The following MYZAP variants were observed in gnomAD, a reference collection of about 807,000 sequenced individuals.
MYZAP encodes the protein myocardial zonula adherens protein, also known as GRINL1A complex locus upstream.
MYZAP carries 66 observed loss-of-function variants against 69.4 expected under a neutral mutation model. The observed-to-expected ratio is 0.95, with a 90% confidence interval of 0.78 to 1.17. The LOEUF is 1.17. MYZAP is among the 50% of genes most tolerant of loss of function. MYZAP has a pLI of 0.00. For missense variants in MYZAP, 611 were observed against 556.2 expected (o/e 1.10, Z -0.99); for synonymous variants, 256 against 205.9 (o/e 1.24, Z -2.09).
At chr15:57,659,515 G>T (rs1419609721) in intron 10 of MYZAP, among the ~76,000 whole-genome samples, 6 of 152,098 alleles carry the variant, frequency 3.9e-5, no homozygotes, top group African/African-American at 1.4e-4. Context: ...AAAAATCTTG[G>T]TTCCAAACAT....
At chr15:57,596,986 G>C (rs1303440357) in intron 1 of MYZAP, among the ~76,000 whole-genome samples, 1 of 152,124 alleles carries the variant, frequency 6.6e-6, no homozygotes, top group Non-Finnish European at 1.5e-5. Flanking sequence ...TGGTGGAATA[G>C]GCAGTTAAAA....
intron 1 of MYZAP, among the ~76,000 whole-genome samples, chr15:57,598,055 C>T (rs1304369466): frequency 1.3e-5 from 2 of 152,214 alleles, no homozygotes; most frequent in African/African-American, 4.8e-5. Context: ...AACTGGCAAA[C>T]CCCTGTCACC....
chr15:57,668,897 T>A (rs976100934), intron 11 of MYZAP, among the ~76,000 whole-genome samples: 90 of 129,078 alleles, frequency 7.0e-4, no homozygotes, highest in Middle Eastern at 7.6e-3. Flanking sequence ...TATATATATT[T>A]TTTTTTTTTT....
rs1294861206 is a variant in MYZAP at position 57,684,947 on chromosome 15, C to G, written c.*449C>G. 2 of 153,602 alleles carry G rather than the reference C, an allele frequency of 1.3e-5. No individual in the cohort carries two copies. Among genetic ancestry groups the G allele is most frequent in the African/African-American group, 4.8e-5 (2 of 41,428 alleles). The allele number at this position is 153,602 out of a possible 1,614,324, so 9.5% of individuals were successfully genotyped here. On this transcript the variant is annotated 3_prime_UTR_variant, in exon 13 of 13. Coordinates refer to ENST00000267853, the MANE Select transcript of MYZAP (RefSeq NM_001018100.5). ...GTTTCTCTGATACAGAGAGGCCTGTCCACAAGAAGCATGGGCACCCAGCCA... is the reference window on the plus strand; with the variant it reads ...GTTTCTCTGATACAGAGAGGCCTGTGCACAAGAAGCATGGGCACCCAGCCA...
At chr15:57,617,529 A>G (rs1265126676) in intron 2 of MYZAP, among the ~76,000 whole-genome samples, 3 of 152,190 alleles carry the variant, frequency 2.0e-5, no homozygotes, top group African/African-American at 7.2e-5. Context: ...TGGTCACAAC[A>G]GGTTATGTAC....
chr15:57,678,333 G>T (rs1475573157), intron 12 of MYZAP, among the ~76,000 whole-genome samples: 2 of 152,090 alleles, frequency 1.3e-5, no homozygotes, highest in Admixed American at 1.3e-4. Context: ...CTGCACTCCA[G>T]CCTGGGCCTG....
intron 11 of MYZAP, among the ~76,000 whole-genome samples, chr15:57,670,096 A>C (rs955163111): frequency 2.6e-5 from 4 of 152,130 alleles, no homozygotes; most frequent in Admixed American, 6.5e-5. Flanking sequence ...GCTGTTGTGT[A>C]TATCCTACAA....
intron 1 of MYZAP, among the ~76,000 whole-genome samples, chr15:57,597,530 G>T (rs570612310): frequency 2.0e-5 from 3 of 152,198 alleles, no homozygotes; most frequent in African/African-American, 7.2e-5. Context: ...ATGGGGCAGG[G>T]AGGGGGAGTC....
At chr15:57,654,680 C>T (rs2037921194) in intron 10 of MYZAP, among the ~76,000 whole-genome samples, 1 of 152,192 alleles carries the variant, frequency 6.6e-6, no homozygotes, top group Admixed American at 6.5e-5. Flanking sequence ...CTACAGCCAT[C>T]TCATTTTCTG....
intron 10 of MYZAP, among the ~76,000 whole-genome samples, chr15:57,645,559 A>C (rs2140487032): frequency 1.3e-5 from 2 of 152,338 alleles, no homozygotes; most frequent in East Asian, 3.9e-4. Context: ...AATTTTTTGT[A>C]AGAGTTAAAT....
intron 5 of MYZAP, among the ~76,000 whole-genome samples, chr15:57,629,246 A>G (rs74016359): frequency 6.6e-6 from 1 of 152,328 alleles, no homozygotes; most frequent in African/African-American, 2.4e-5. Context: ...AGTGAAAACT[A>G]TCATTCAGAT....
intron 2 of MYZAP, among the ~76,000 whole-genome samples, chr15:57,617,613 T>C (rs2035550331): frequency 6.6e-6 from 1 of 152,186 alleles, no homozygotes; most frequent in African/African-American, 2.4e-5. Context: ...GGCTGCTAGA[T>C]GACTGCCAGC....
intron 4 of MYZAP, among the ~76,000 whole-genome samples, chr15:57,623,489 T>C (rs2035940396): frequency 6.6e-6 from 1 of 152,076 alleles, no homozygotes; most frequent in African/African-American, 2.4e-5. Flanking sequence ...TCACAGCATT[T>C]TGGGAGGCCG....
At chr15:57,637,819 A>C (rs2036904033) in intron 9 of MYZAP, 45 bp downstream of exon 9, 1 of 1,565,032 alleles carries the variant, frequency 6.4e-7, no homozygotes, top group Admixed American at 1.8e-5. Context: ...TAGGTTGTGG[A>C]CACGCTGTGT....
At position 57,598,703 on chromosome 15, in the gene MYZAP, G is replaced by A. The variant is rs1029833208; in HGVS notation, c.76-5566G>A. Among the ~76,000 whole-genome samples, 21 of 152,302 alleles carry A rather than the reference G, an allele frequency of 1.4e-4. 1 individual carries two copies. Among genetic ancestry groups the A allele is most frequent in the Admixed American group, 1.1e-3 (17 of 15,306 alleles). ...ACTAGAGCCAGTGCTTCTCTATCATGCATTTGTAGATTGATAGTTCAGCCC... is the reference window on the plus strand; with the variant it reads ...ACTAGAGCCAGTGCTTCTCTATCATACATTTGTAGATTGATAGTTCAGCCC... On this transcript the variant is annotated intron_variant, in intron 1 of 12. Coordinates refer to ENST00000267853, the MANE Select transcript of MYZAP (RefSeq NM_001018100.5).
intron 5 of MYZAP, among the ~76,000 whole-genome samples, chr15:57,629,138 T>G (rs2036344173): frequency 6.6e-6 from 1 of 151,436 alleles, no homozygotes; most frequent in Non-Finnish European, 1.5e-5. Context: ...ATATCTCTAT[T>G]CTATAAAGCT....
chr15:57,612,638 C>G (rs2035178044), intron 2 of MYZAP, among the ~76,000 whole-genome samples: 1 of 152,176 alleles, frequency 6.6e-6, no homozygotes, highest in South Asian at 2.1e-4. Flanking sequence ...TGGACAATAT[C>G]ATTGGCCTTG....
At chr15:57,673,577 C>A (rs1426471826) in intron 11 of MYZAP, among the ~76,000 whole-genome samples, 1 of 150,368 alleles carries the variant, frequency 6.7e-6, no homozygotes, top group African/African-American at 2.4e-5. Flanking sequence ...AGATTCAGAA[C>A]CCATCGATCT....
At chr15:57,604,505 C>T (rs1022610592) in intron 2 of MYZAP, 150 bp downstream of exon 2, 33 of 775,144 alleles carry the variant, frequency 4.3e-5, no homozygotes, top group African/African-American at 1.2e-4. Flanking sequence ...CCTCATCTCC[C>T]GTCTTCCCAG....
Sources: allele counts gnomAD v4.1 joint callset (sites outside exome capture counted in the v4.1 genomes callset), GRCh38; gene constraint gnomAD v4.1.1; transcripts MANE v1.5; gene names NCBI Gene and HGNC (gene_info 2026-07-23, HGNC 2026-07-21).